Variants in NAV3 observed in about 807,000 individuals in gnomAD.
The protein encoded by NAV3 is neuron navigator 3.
In NAV3, 87 loss-of-function variants were observed where a neutral mutation model predicts 244.7. That is an observed-to-expected ratio of 0.36 (90% CI 0.30 to 0.42). NAV3 has a LOEUF of 0.42. Among genes scored for constraint, NAV3 ranks in the 20% least tolerant of loss-of-function variants. The pLI is 1.00. For missense variants in NAV3, 2,663 were observed against 2,893.3 expected, an observed-to-expected ratio of 0.92 and a Z score of 1.83; for synonymous variants, 1,126 against 1,042.2, an observed-to-expected ratio of 1.08 and a Z score of -1.55.
intron 2 of NAV3, among the ~76,000 whole-genome samples, chr12:77,594,444 G>A (rs1225541855): frequency 1.3e-5 from 2 of 152,142 alleles, no homozygotes; most frequent in East Asian, 3.9e-4. Context: ...AGCAAGAGTG[G>A]ACAGAAATAC....
intron 2 of NAV3, among the ~76,000 whole-genome samples, chr12:77,599,750 A>G (rs953879519): frequency 6.6e-6 from 1 of 151,892 alleles, no homozygotes; most frequent in African/African-American, 2.4e-5. Context: ...TTAAAAATGC[A>G]TTACTATTAT....
chr12:77,729,552 G>A (rs1406769389), intron 2 of NAV3, among the ~76,000 whole-genome samples: 2 of 151,976 alleles, frequency 1.3e-5, no homozygotes, highest in African/African-American at 4.8e-5. Context: ...GATAAACATG[G>A]TGATCAGAGC....
At chr12:77,738,798 C>T (rs1868273288) in intron 2 of NAV3, among the ~76,000 whole-genome samples, 1 of 152,086 alleles carries the variant, frequency 6.6e-6, no homozygotes, top group Non-Finnish European at 1.5e-5. Flanking sequence ...ATCACGAGGT[C>T]AGGAGATCGA....
intron 2 of NAV3, among the ~76,000 whole-genome samples, chr12:77,698,289 A>AT (rs1565776927): frequency 6.6e-6 from 1 of 152,222 alleles, no homozygotes; most frequent in East Asian, 1.9e-4. Context: ...CCAGTTGAGT[A>AT]TATCTTTCTG....
At chr12:77,616,033 C>G (rs1871131062) in intron 2 of NAV3, among the ~76,000 whole-genome samples, 1 of 152,112 alleles carries the variant, frequency 6.6e-6, no homozygotes, top group Non-Finnish European at 1.5e-5. Context: ...TCCATTTTAG[C>G]AGAATTCATG....
At chr12:78,144,936 AAAAAAAAAAAAG>A (rs1170359944) in intron 20 of NAV3, 1,791 of 75,602 alleles carry the variant, frequency 0.024, 98 homozygotes, top group African/African-American at 0.075. Flanking sequence ...AAAAAAAAAA[AAAAAAAAAAAAG>A]AAAGAAAGAA....
At chr12:78,198,475 A>C in intron 35 of NAV3, 130 bp from the exon 36 acceptor site, 1 of 507,614 alleles carries the variant, frequency 2.0e-6, no homozygotes. Flanking sequence ...CCATTACAGA[A>C]TTACCCTTTA....
chr12:78,088,537 G>A (rs924036077), intron 12 of NAV3, among the ~76,000 whole-genome samples: 1 of 151,946 alleles, frequency 6.6e-6, no homozygotes, highest in African/African-American at 2.4e-5. Context: ...TGCTAATAGT[G>A]TCCTCATTCT....
At chr12:77,889,210 C>T (rs1012524309) in intron 1 of NAV3, among the ~76,000 whole-genome samples, 5 of 152,142 alleles carry the variant, frequency 3.3e-5, no homozygotes, top group Non-Finnish European at 7.3e-5. Context: ...TATTGGTGGG[C>T]CTCATCCAAT....
At chr12:77,766,334 C>G (rs1356390244) in intron 2 of NAV3, among the ~76,000 whole-genome samples, 1 of 152,184 alleles carries the variant, frequency 6.6e-6, no homozygotes, top group Non-Finnish European at 1.5e-5. Flanking sequence ...CATTTCCTCT[C>G]AAAGGAAAAC....
At chr12:77,575,303 T>C (rs1051893246) in intron 2 of NAV3, among the ~76,000 whole-genome samples, 1 of 152,054 alleles carries the variant, frequency 6.6e-6, no homozygotes, top group Non-Finnish European at 1.5e-5. Flanking sequence ...TTATAGAAGT[T>C]GAAGAAAATA....
chr12:78,121,762 A>AT (rs1453893289), intron 15 of NAV3, among the ~76,000 whole-genome samples, 178 bp from the exon 16 acceptor site: 3 of 151,980 alleles, frequency 2.0e-5, no homozygotes, highest in Non-Finnish European at 4.4e-5. Flanking sequence ...TATATGAGAG[A>AT]TTTTCTGCAC....
chr12:77,793,167 G>C (rs569273706), intron 2 of NAV3, among the ~76,000 whole-genome samples: 1 of 151,942 alleles, frequency 6.6e-6, no homozygotes. Flanking sequence ...AAATATTATA[G>C]CTATTAACCT....
intron 18 of NAV3, among the ~76,000 whole-genome samples, chr12:78,131,316 A>C (rs549147519): frequency 2.2e-4 from 34 of 152,294 alleles, no homozygotes; most frequent in African/African-American, 7.9e-4. Context: ...TCAAACACCA[A>C]GTTTTTGTTT....
intron 12 of NAV3, among the ~76,000 whole-genome samples, chr12:78,093,156 A>G (rs912349259): frequency 3.9e-5 from 6 of 152,204 alleles, no homozygotes; most frequent in African/African-American, 9.7e-5. Context: ...AATCATTAAC[A>G]TTTTCAAGTT....
intron 1 of NAV3, among the ~76,000 whole-genome samples, chr12:77,843,636 C>T (rs1243835537): frequency 6.6e-6 from 1 of 151,310 alleles, no homozygotes; most frequent in Non-Finnish European, 1.5e-5. Flanking sequence ...CTAGAAGCCA[C>T]AGAAATGATT....
intron 1 of NAV3, among the ~76,000 whole-genome samples, chr12:77,936,935 A>G (rs1324069906): frequency 6.6e-6 from 1 of 152,210 alleles, no homozygotes; most frequent in African/African-American, 2.4e-5. Flanking sequence ...CAATTTTGAA[A>G]GAGAGAAGTA....
chr12:78,171,882 A>G (rs1373972364), intron 24 of NAV3, among the ~76,000 whole-genome samples: 1 of 151,528 alleles, frequency 6.6e-6, no homozygotes, highest in Non-Finnish European at 1.5e-5. Context: ...ACAACCACAC[A>G]CCAATTTGTG....
chr12:77,963,002 T>C (rs1364058096), intron 3 of NAV3, among the ~76,000 whole-genome samples: 1 of 150,652 alleles, frequency 6.6e-6, no homozygotes, highest in East Asian at 2.0e-4. Flanking sequence ...TGTTAAAATA[T>C]GATTTGAATT....
Sources: allele counts gnomAD v4.1 joint callset (sites outside exome capture counted in the v4.1 genomes callset), GRCh38; gene constraint gnomAD v4.1.1; transcripts MANE v1.5; gene names NCBI Gene and HGNC (gene_info 2026-07-23, HGNC 2026-07-21).